LCOR: variants seen among roughly 807,000 people sequenced by gnomAD.
LCOR encodes the protein ligand-dependent corepressor.
A neutral mutation model predicts 64.4 loss-of-function variants in LCOR; 14 were observed. The ratio of observed to expected loss-of-function variants is 0.22; its 90% CI spans 0.14 to 0.34. LCOR has a LOEUF of 0.34. Ranked by LOEUF, LCOR falls within the 10% of genes least tolerant of loss-of-function variation. LCOR has a pLI of 1.00. For synonymous variants in LCOR, 643 were observed against 642.5 expected (o/e 1.00, Z -0.01); for missense variants, 1,686 against 1,765.3 (o/e 0.96, Z 0.80).
chr10:96,971,796 T>A (rs911057219), intron 7 of LCOR, among the ~76,000 whole-genome samples: 7 of 152,182 alleles, frequency 4.6e-5, no homozygotes, highest in African/African-American at 1.7e-4. Flanking sequence ...CTGGATGGTG[T>A]ATTGGAGGCA....
Position 96,974,139 on chromosome 10 carries a change from A to G in LCOR, c.333-6654A>G, listed in dbSNP as rs115295478. Reference sequence around the variant, plus strand: ...AATCATTCTTAAACTGTAGCTTTTAAAGGGTTTATGAATATTATCTTATCC... The same window carrying G: ...AATCATTCTTAAACTGTAGCTTTTAGAGGGTTTATGAATATTATCTTATCC... On this transcript the variant is annotated intron_variant, in intron 7 of 7. Coordinates refer to ENST00000421806, the MANE Select transcript of LCOR (RefSeq NM_001346516.2). Among the ~76,000 whole-genome samples the G allele has an allele frequency of 2.9e-3, 444 of 152,346 alleles. 6 individuals are homozygous for G. The highest frequency in any genetic ancestry group is 9.6e-3 in the African/African-American group (400 of 41,588).
At chr10:96,852,954 A>G (rs1845744517) in intron 2 of LCOR, among the ~76,000 whole-genome samples, 1 of 152,234 alleles carries the variant, frequency 6.6e-6, no homozygotes, top group African/African-American at 2.4e-5. Context: ...TTGAAGTTAA[A>G]CATTGGTTCT....
At chr10:96,849,289 G>A (rs942714161) in intron 2 of LCOR, among the ~76,000 whole-genome samples, 1 of 151,828 alleles carries the variant, frequency 6.6e-6, no homozygotes, top group African/African-American at 2.4e-5. Flanking sequence ...TAGCCAGGAT[G>A]GTCTCGATCT....
At chr10:96,877,372 A>C (rs1166802184) in intron 2 of LCOR, among the ~76,000 whole-genome samples, 3 of 152,020 alleles carry the variant, frequency 2.0e-5, no homozygotes, top group South Asian at 2.1e-4. Flanking sequence ...AAAACATTCA[A>C]AAATTAGCTG....
intron 4 of LCOR, among the ~76,000 whole-genome samples, chr10:96,925,407 T>C (rs1847151372): frequency 6.6e-6 from 1 of 152,196 alleles, no homozygotes; most frequent in East Asian, 1.9e-4. Flanking sequence ...TGACATTTTT[T>C]AATAGGATGG....
At chr10:96,976,566 G>A (rs1848042431) in intron 7 of LCOR, among the ~76,000 whole-genome samples, 2 of 152,198 alleles carry the variant, frequency 1.3e-5, no homozygotes, top group South Asian at 4.1e-4. Context: ...TGGCCCTTTG[G>A]AAGACCTTAC....
chr10:96,906,191 A>G (rs1846724968), intron 2 of LCOR, among the ~76,000 whole-genome samples: 1 of 152,236 alleles, frequency 6.6e-6, no homozygotes, highest in Non-Finnish European at 1.5e-5. Flanking sequence ...CAAAATACAC[A>G]GTGCCCCTAG....
At position 96,984,102 on chromosome 10, in the gene LCOR, G is replaced by A. The variant is rs767574275; in HGVS notation, c.3642G>A (p.Lys1214=). The change falls in exon 8 of 8, where the codon AAG becomes AAA. Residue 1214 remains lysine (K), a synonymous_variant. Coordinates refer to ENST00000421806, the MANE Select transcript of LCOR (RefSeq NM_001346516.2). ...TRLPGDVPPV[K]HPLQKYAPSS... Reference sequence around the variant, plus strand: ...TTCCAGGAGACGTTCCCCCTGTCAAGCATCCTCTTCAGAAATACGCTCCTT... The same window carrying A: ...TTCCAGGAGACGTTCCCCCTGTCAAACATCCTCTTCAGAAATACGCTCCTT... 4 of 1,614,120 alleles carry A rather than the reference G, an allele frequency of 2.5e-6. No individual in the cohort carries two copies. Among genetic ancestry groups the A allele is most frequent in the Non-Finnish European group, 3.4e-6 (4 of 1,180,006 alleles).
chr10:96,946,348 G>A (rs901922589), intron 5 of LCOR, among the ~76,000 whole-genome samples: 1 of 152,040 alleles, frequency 6.6e-6, no homozygotes, highest in Non-Finnish European at 1.5e-5. Context: ...TAAGGATTAT[G>A]TATAGTTAAG....
intron 2 of LCOR, among the ~76,000 whole-genome samples, chr10:96,872,280 G>T (rs773693793): frequency 6.6e-6 from 1 of 152,258 alleles, no homozygotes; most frequent in Non-Finnish European, 1.5e-5. Context: ...TATACCATCG[G>T]TATCAGCAGC....
At chr10:96,909,081 G>A (rs934246237) in intron 4 of LCOR, among the ~76,000 whole-genome samples, 2 of 151,960 alleles carry the variant, frequency 1.3e-5, no homozygotes, top group Non-Finnish European at 2.9e-5. Flanking sequence ...CCCTCACAAC[G>A]AATTTCATTT....
chr10:96,900,085 A>G (rs1275199147), intron 2 of LCOR, among the ~76,000 whole-genome samples: 1 of 152,078 alleles, frequency 6.6e-6, no homozygotes, highest in East Asian at 1.9e-4. Flanking sequence ...TTATTTTTTC[A>G]TTTTCATTCA....
intron 4 of LCOR, among the ~76,000 whole-genome samples, chr10:96,938,025 C>T (rs1469373472): frequency 6.6e-6 from 1 of 152,178 alleles, no homozygotes; most frequent in Non-Finnish European, 1.5e-5. Flanking sequence ...AATCATGGCT[C>T]ACTGCAGCCT....
At chr10:96,953,003 T>G (rs1199282338) in intron 7 of LCOR, among the ~76,000 whole-genome samples, 1 of 152,168 alleles carries the variant, frequency 6.6e-6, no homozygotes, top group African/African-American at 2.4e-5. Flanking sequence ...ACTTAGATAT[T>G]AAAGGAACAA....
chr10:96,960,710 CT>C (rs1847865440), intron 7 of LCOR: 1 of 152,128 alleles, frequency 6.6e-6, no homozygotes, highest in Non-Finnish European at 1.5e-5. Context: ...AACTTGATGG[CT>C]TCAGCAGAAC....
chr10:96,899,233 G>T (rs550139224), intron 2 of LCOR, among the ~76,000 whole-genome samples: 55 of 152,042 alleles, frequency 3.6e-4, no homozygotes, highest in Non-Finnish European at 7.1e-4. Flanking sequence ...TGGTCTTAGG[G>T]CAAGAGATAA....
rs770575846 is a variant in LCOR, at chr10:96,985,125, T to C, written c.4665T>C (p.Asp1555=). 2 of 1,590,932 alleles carry C rather than the reference T, an allele frequency of 1.3e-6. No individual in the cohort carries two copies. The highest frequency in any genetic ancestry group is 2.3e-5 in the South Asian group (2 of 86,876). Residue 1555 remains aspartate, a synonymous_variant, in exon 8 of 8, where the codon GAT becomes GAC. Coordinates refer to ENST00000421806, the MANE Select transcript of LCOR (RefSeq NM_001346516.2). The part of the protein sequence containing the change: ...DCSHSKRRRL[D]AK The stretch of plus-strand genomic sequence containing the variant: ...CGCACAGCAAACGGAGGCGGCTGGA[T>C]GCAAAGTGATTGGAAAGATGGTAGC...
At chr10:96,927,455 GTTT>G (rs879474796) in intron 4 of LCOR, among the ~76,000 whole-genome samples, 3 of 148,246 alleles carry the variant, frequency 2.0e-5, no homozygotes, top group African/African-American at 7.4e-5. Context: ...TTGAAAAGCA[GTTT>G]TTTTTTTATC....
intron 4 of LCOR, among the ~76,000 whole-genome samples, chr10:96,920,093 T>C (rs768196225): frequency 6.6e-6 from 1 of 152,146 alleles, no homozygotes; most frequent in Non-Finnish European, 1.5e-5. Context: ...AGCTGCATCA[T>C]TTTACAGTGC....
Sources: gnomAD v4.1 joint callset for allele counts (sites outside exome capture counted in the v4.1 genomes callset) on GRCh38, gnomAD v4.1.1 for gene constraint, MANE v1.5 for transcripts, NCBI Gene and HGNC (gene_info 2026-07-23, HGNC 2026-07-21) for gene names.